The following ZNF705A variants were observed in gnomAD, a reference collection of about 807,000 sequenced individuals.
The protein encoded by ZNF705A is zinc finger protein 705A.
A neutral mutation model predicts 16.6 loss-of-function variants in ZNF705A; 8 were observed. That is an observed-to-expected ratio of 0.48 (90% CI 0.28 to 0.87). ZNF705A has a LOEUF of 0.87. ZNF705A is among the 40% of genes least tolerant of loss of function. The pLI, the probability that ZNF705A is intolerant of heterozygous loss-of-function variation, is 0.10. For synonymous variants in ZNF705A, 73 were observed against 117.3 expected (o/e 0.62, Z 2.44); for missense variants, 233 against 359.9 (o/e 0.65, Z 2.85).
At chr12:8,161,546 A>G (rs761180485) in intron 1 of ZNF705A, among the ~76,000 whole-genome samples, 2 of 152,068 alleles carry the variant, frequency 1.3e-5, no homozygotes, top group Non-Finnish European at 2.9e-5. Context: ...TTTTCTAGGA[A>G]GTTATCCATC....
chr12:8,161,108 G>C (rs1948351294), intron 1 of ZNF705A, among the ~76,000 whole-genome samples: 1 of 152,156 alleles, frequency 6.6e-6, no homozygotes, highest in Non-Finnish European at 1.5e-5. Context: ...TTCTAATTCT[G>C]TTTATGTGGT....
Position 8,177,234 on chromosome 12 carries a change from T to G in ZNF705A, c.554T>G (p.Phe185Cys), listed in dbSNP as rs964198816. The G allele has an allele frequency of 2.0e-5, 33 of 1,611,528 alleles. No individual in the cohort carries two copies. The highest frequency in any genetic ancestry group is 2.2e-4 in the Middle Eastern group (1 of 4,454). The change falls in exon 5 of 5, where the codon TTT (phenylalanine) becomes TGT (cysteine). Residue 185 changes from phenylalanine (F) to cysteine (C), a missense_variant. Physicochemically the swap from Phe to Cys is radical, Grantham distance 205. Transcript: ENST00000359286. ...TGTGAAAAGGCCTATACTAATTGCT[T>G]TCGCCTTAGACGGCACAAGATGACT...
intron 1 of ZNF705A, among the ~76,000 whole-genome samples, chr12:8,161,936 A>G (rs1272098719): frequency 6.6e-6 from 1 of 152,212 alleles, no homozygotes; most frequent in Non-Finnish European, 1.5e-5. Flanking sequence ...CTCCATTGTG[A>G]GCACACCTCA....
At chr12:8,159,439 T>G (rs1246727023) in intron 1 of ZNF705A, among the ~76,000 whole-genome samples, 2 of 152,220 alleles carry the variant, frequency 1.3e-5, no homozygotes, top group Non-Finnish European at 2.9e-5. Flanking sequence ...TGTAGAAGTG[T>G]TCCCTGATTA....
At chr12:8,167,634 G>A (rs150750287), upstream of ZNF705A, among the ~76,000 whole-genome samples, 39 of 152,206 alleles carry the variant, frequency 2.6e-4, 1 homozygote, top group East Asian at 7.3e-3. Flanking sequence ...TTTATTTCTG[G>A]TGAGTTCTCC....
intron 1 of ZNF705A, among the ~76,000 whole-genome samples, chr12:8,159,013 C>A (rs780782311): frequency 6.6e-6 from 1 of 152,110 alleles, no homozygotes; most frequent in African/African-American, 2.4e-5. Flanking sequence ...CATTCTTATG[C>A]CTTGTGTCCT....
upstream of ZNF705A, among the ~76,000 whole-genome samples, chr12:8,169,594 G>A (rs1051212004): frequency 6.6e-6 from 1 of 152,224 alleles, no homozygotes; most frequent in Non-Finnish European, 1.5e-5. Context: ...CTGGTGTTGA[G>A]AAGTGAGAGA....
At chr12:8,159,160 G>T (rs1266256615) in intron 1 of ZNF705A, among the ~76,000 whole-genome samples, 1 of 152,120 alleles carries the variant, frequency 6.6e-6, no homozygotes, top group Non-Finnish European at 1.5e-5. Context: ...TTTTATGGCT[G>T]AGTAGTATTC....
chr12:8,174,685 G>A (rs1948471460), intron 2 of ZNF705A, among the ~76,000 whole-genome samples: 1 of 152,054 alleles, frequency 6.6e-6, no homozygotes, highest in Non-Finnish European at 1.5e-5. Flanking sequence ...AGGATTTCAT[G>A]GTTTCTTTGG....
At chr12:8,161,255 T>A (rs751075223) in intron 1 of ZNF705A, among the ~76,000 whole-genome samples, 1 of 152,294 alleles carries the variant, frequency 6.6e-6, no homozygotes, top group South Asian at 2.1e-4. Context: ...GATACAGGTC[T>A]GTAGTTTTCT....
chr12:8,170,918 T>C (rs900437909), upstream of ZNF705A, among the ~76,000 whole-genome samples: 9 of 152,158 alleles, frequency 5.9e-5, 1 homozygote, highest in Admixed American at 3.3e-4. Flanking sequence ...ACAATGATGT[T>C]TGGGAATTGG....
chr12:8,165,449 A>ATT (rs1215748788), intron 1 of ZNF705A, among the ~76,000 whole-genome samples: 3 of 100,852 alleles, frequency 3.0e-5, no homozygotes, highest in African/African-American at 1.2e-4. Flanking sequence ...CGCCCAGCTA[A>ATT]ATTTTTTTTT....
chr12:8,165,684 C>G (rs1290553943), intron 1 of ZNF705A, among the ~76,000 whole-genome samples: 1 of 152,006 alleles, frequency 6.6e-6, no homozygotes, highest in Admixed American at 6.6e-5. Flanking sequence ...CCTTCCCTTC[C>G]CCCTCTAGTA....
chr12:8,159,275 A>G (rs1948334252), intron 1 of ZNF705A, among the ~76,000 whole-genome samples: 1 of 152,154 alleles, frequency 6.6e-6, no homozygotes, highest in African/African-American at 2.4e-5. Flanking sequence ...TGCTATTAAC[A>G]TGCATGTGCA....
At chr12:8,166,183 C>A (rs182691149) in intron 1 of ZNF705A, among the ~76,000 whole-genome samples, 69 of 152,272 alleles carry the variant, frequency 4.5e-4, no homozygotes, top group South Asian at 1.7e-3. Flanking sequence ...AGTGTGGACT[C>A]TGTGGGGGCT....
At chr12:8,174,179 C>T in intron 1 of ZNF705A, 147 bp from the exon 3 acceptor site, 1 of 1,455,030 alleles carries the variant, frequency 6.9e-7, no homozygotes, top group Non-Finnish European at 9.3e-7. Context: ...AAGGCAGATA[C>T]CAGCTTAGTA....
chr12:8,165,226 G>T (rs1948388231), intron 1 of ZNF705A, among the ~76,000 whole-genome samples: 1 of 148,414 alleles, frequency 6.7e-6, no homozygotes, highest in Non-Finnish European at 1.5e-5. Context: ...TCATATAGTT[G>T]TTGGCCATTT....
chr12:8,170,184 T>TCCC (rs35676407), upstream of ZNF705A, among the ~76,000 whole-genome samples: 2 of 65,988 alleles, frequency 3.0e-5, no homozygotes, highest in Non-Finnish European at 6.9e-5. Context: ...AGCGAAACTC[T>TCCC]CCCCCCCCCC....
intron 1 of ZNF705A, among the ~76,000 whole-genome samples, chr12:8,164,025 T>C (rs1948378940): frequency 6.6e-6 from 1 of 152,170 alleles, no homozygotes; most frequent in African/African-American, 2.4e-5. Flanking sequence ...ACCATCAAGA[T>C]TATAAACATA....
Sources: allele counts gnomAD v4.1 joint callset (sites outside exome capture counted in the v4.1 genomes callset), GRCh38; gene constraint gnomAD v4.1.1; transcripts MANE v1.5; gene names NCBI Gene and HGNC (gene_info 2026-07-23, HGNC 2026-07-21).